HNRNPM: variants seen among roughly 807,000 people sequenced by gnomAD.
The protein encoded by HNRNPM is heterogeneous nuclear ribonucleoprotein M.
A neutral mutation model predicts 73.1 loss-of-function variants in HNRNPM; 11 were observed. The ratio of observed to expected loss-of-function variants is 0.15; its 90% CI spans 0.09 to 0.25. The LOEUF (loss-of-function observed/expected upper bound fraction) is 0.25, where lower values mean the gene tolerates loss of function less well. HNRNPM is among the 10% of genes least tolerant of loss of function. The pLI is 1.00. For synonymous variants in HNRNPM, 407 were observed against 355.2 expected (o/e 1.15, Z -1.64); for missense variants, 789 against 1,067.9 (o/e 0.74, Z 3.64).
chr19:8,457,339 A>G (rs541672114), intron 2 of HNRNPM, among the ~76,000 whole-genome samples: 1 of 152,204 alleles, frequency 6.6e-6, no homozygotes, highest in East Asian at 1.9e-4. Flanking sequence ...TCAATTCACT[A>G]TTTTGCACTC....
At chr19:8,445,865 CT>C (rs1968136730) in intron 1 of HNRNPM, among the ~76,000 whole-genome samples, 3 of 152,356 alleles carry the variant, frequency 2.0e-5, no homozygotes, top group Non-Finnish European at 2.9e-5. Context: ...GAGGAATCCC[CT>C]TTTTCCCGTG....
At chr19:8,483,780 T>G (rs960027800) in intron 13 of HNRNPM, among the ~76,000 whole-genome samples, 11 of 152,192 alleles carry the variant, frequency 7.2e-5, no homozygotes, top group African/African-American at 2.7e-4. Context: ...TTTTTGAGCA[T>G]TTTTGGAGAC....
At chr19:8,445,482 C>T (rs948855175) in intron 1 of HNRNPM, 11 of 179,310 alleles carry the variant, frequency 6.1e-5, no homozygotes, top group African/African-American at 2.6e-4. Context: ...CGGGTTTCAG[C>T]CCCCCGTCCC....
chr19:8,485,438 A>G (rs909313063), intron 13 of HNRNPM, among the ~76,000 whole-genome samples, 165 bp from the exon 14 acceptor site: 1 of 152,212 alleles, frequency 6.6e-6, no homozygotes, highest in African/African-American at 2.4e-5. Context: ...CCATGTGCCC[A>G]CCACACAGCT....
In HNRNPM at chr19:8,489,053, G is replaced by T. The variant is rs189920253; in HGVS notation, c.*199G>T. 7.8e-4 allele frequency: 411 copies of T among 524,642 alleles called. No individual in the cohort carries two copies. The highest frequency in any genetic ancestry group is 1.3e-3 in the Admixed American group (39 of 30,126). 32.5% of individuals were successfully genotyped at this position (524,642 alleles called of 1,614,324 possible). A position where few individuals can be genotyped will look rare whatever the true frequency, so the allele number is the denominator to read the frequency against. On this transcript the variant is annotated 3_prime_UTR_variant, in exon 16 of 16. Transcript: ENST00000325495. ...GATTGCAATGTGCGCAATTTTTTTTGTAGTTGTGGCATCTTGTTGACATCG... is the reference window on the plus strand; with the variant it reads ...GATTGCAATGTGCGCAATTTTTTTTTTAGTTGTGGCATCTTGTTGACATCG...
At chr19:8,472,055 C>T (rs942370996) in intron 10 of HNRNPM, among the ~76,000 whole-genome samples, 1 of 151,878 alleles carries the variant, frequency 6.6e-6, no homozygotes, top group East Asian at 1.9e-4. Flanking sequence ...CCTGTAATCC[C>T]AGTTACTCAA....
intron 1 of HNRNPM, among the ~76,000 whole-genome samples, chr19:8,451,541 C>G (rs1380683818): frequency 6.6e-6 from 1 of 152,018 alleles, no homozygotes; most frequent in Non-Finnish European, 1.5e-5. Flanking sequence ...CCTTCCCCTT[C>G]CCCTTCCCTT....
Position 8,485,724 on chromosome 19 carries a change from C to T in HNRNPM, c.1296C>T (p.Ser432=), listed in dbSNP as rs775512945. ...GCCACGGCATGGATCGCGTGGGCTC[C>T]GAGATCGAGCGCATGGGCCTGGTCA... is the stretch of plus-strand genomic sequence containing the variant. ...GLGHGMDRVG[S]EIERMGLVMD... Residue 432 remains serine, a synonymous_variant, in exon 14 of 16, where the codon TCC becomes TCT. Transcript: ENST00000325495. 1.3e-4 allele frequency: 204 copies of T among 1,606,312 alleles called. 1 individual carries two copies. Among genetic ancestry groups the T allele is most frequent in the Admixed American group, 2.5e-4 (15 of 59,958 alleles).
chr19:8,453,365 T>G (rs986669733), intron 1 of HNRNPM, among the ~76,000 whole-genome samples: 7 of 152,076 alleles, frequency 4.6e-5, no homozygotes, highest in Non-Finnish European at 7.4e-5. Flanking sequence ...GGTCTTGAAC[T>G]CCTGACCTCA....
chr19:8,474,493 T>TA (rs1970368853), intron 12 of HNRNPM, among the ~76,000 whole-genome samples: 2 of 152,186 alleles, frequency 1.3e-5, no homozygotes, highest in South Asian at 2.1e-4. Flanking sequence ...AGTACAGTGT[T>TA]AAAAAGCATG....
chr19:8,459,191 T>A (rs1334086897), intron 2 of HNRNPM, among the ~76,000 whole-genome samples: 1 of 152,210 alleles, frequency 6.6e-6, no homozygotes, highest in African/African-American at 2.4e-5. Flanking sequence ...CCTTCCAAAG[T>A]GCTAGGATTA....
intron 3 of HNRNPM, 48 bp from the exon 4 acceptor site, chr19:8,463,448 CT>C: frequency 6.3e-7 from 1 of 1,597,654 alleles, no homozygotes; most frequent in Non-Finnish European, 8.6e-7. Context: ...TTTTTCTTTT[CT>C]TTTTCCCCTT....
At chr19:8,486,493 G>T in intron 14 of HNRNPM, 88 bp downstream of exon 14, 1 of 1,160,760 alleles carries the variant, frequency 8.6e-7, no homozygotes, top group Non-Finnish European at 1.2e-6. Flanking sequence ...CAGAGGTGGC[G>T]CCCTTCAAAG....
Position 8,485,998 on chromosome 19 carries a change from C to A in HNRNPM, c.1570C>A (p.Arg524Ser). Residue 524 changes from arginine to serine, a missense_variant, in exon 14 of 16, where the codon CGC (arginine) becomes AGC (serine). This residue lies in a region of HNRNPM where 604 missense variants were observed against 744.0 expected (regional missense o/e 0.81). Transcript: ENST00000325495. ...GVERMGPAIE[R>S]MGLSMERMVP... ...GGAGCGCATGGGCCCTGCCATCGAG[C>A]GCATGGGCCTGAGCATGGAGCGCAT... 6.2e-7 allele frequency: 1 copy of A among 1,606,232 alleles called. No homozygotes were observed.
intron 1 of HNRNPM, 124 bp from the exon 2 acceptor site, chr19:8,455,281 A>G: frequency 1.3e-6 from 1 of 796,066 alleles, no homozygotes; most frequent in Non-Finnish European, 2.0e-6. Context: ...GCATCTGACC[A>G]ATACTAGTCT....
At chr19:8,451,822 A>G (rs1181940877) in intron 1 of HNRNPM, among the ~76,000 whole-genome samples, 1 of 152,040 alleles carries the variant, frequency 6.6e-6, no homozygotes, top group Non-Finnish European at 1.5e-5. Context: ...ATGAGCCACC[A>G]TGGCCAGTCT....
At chr19:8,481,594 G>A (rs1970920415) in intron 12 of HNRNPM, 1 of 152,280 alleles carries the variant, frequency 6.6e-6, no homozygotes. Flanking sequence ...TCAGGGGTGT[G>A]CACGGGAGAA....
chr19:8,474,530 G>A (rs1218844921), intron 12 of HNRNPM, among the ~76,000 whole-genome samples: 2 of 152,160 alleles, frequency 1.3e-5, no homozygotes, highest in African/African-American at 2.4e-5. Flanking sequence ...TGGTCTCCGA[G>A]TATGAGGGAT....
chr19:8,460,722 G>C (rs2145649243), intron 2 of HNRNPM, among the ~76,000 whole-genome samples: 1 of 152,324 alleles, frequency 6.6e-6, no homozygotes, highest in Middle Eastern at 3.4e-3. Context: ...TTGAATTTCG[G>C]CAACATGGTT....
Sources: gnomAD v4.1 joint callset for allele counts (sites outside exome capture counted in the v4.1 genomes callset) on GRCh38, gnomAD v4.1.1 for gene constraint, gnomAD v4.1.1 regional missense constraint, MANE v1.5 for transcripts, NCBI Gene and HGNC (gene_info 2026-07-23, HGNC 2026-07-21) for gene names.